SNTG1: variants seen among roughly 807,000 people sequenced by gnomAD.
SNTG1 encodes gamma-1-syntrophin.
SNTG1 carries 39 observed loss-of-function variants against 74.7 expected under a neutral mutation model. The observed-to-expected ratio is 0.52, with a 90% CI of 0.40 to 0.68. SNTG1 has a LOEUF of 0.68. SNTG1 is among the 30% of genes least tolerant of loss of function. The pLI is 0.00. For missense variants in SNTG1, 685 were observed against 609.5 expected (o/e 1.12, Z -1.30); for synonymous variants, 254 against 217.1 (o/e 1.17, Z -1.49).
intron 1 of SNTG1, among the ~76,000 whole-genome samples, chr8:49,939,089 T>C (rs1808440936): frequency 6.6e-6 from 1 of 152,120 alleles, no homozygotes; most frequent in African/African-American, 2.4e-5. Context: ...TGTTTTCACA[T>C]TTTAAATTTT....
intron 1 of SNTG1, among the ~76,000 whole-genome samples, chr8:50,073,201 T>G (rs1821526495): frequency 6.6e-6 from 1 of 152,232 alleles, no homozygotes; most frequent in Non-Finnish European, 1.5e-5. Context: ...TCACTAATTA[T>G]CAAACAAGTT....
In SNTG1 at chr8:50,199,345, G is replaced by A. The variant is rs547914315; in HGVS notation, c.-28+26710G>A. Among the ~76,000 whole-genome samples the A allele has an allele frequency of 2.3e-4, 35 of 151,206 alleles. No individual in the cohort carries two copies. The South Asian group carries it at 7.3e-3, about 32-fold the overall frequency. ...TGATTCTCCTGCCTCAGCCCCCCAA[G>A]TAGCTGGCATTACAGGTGCCCACCA... is the stretch of plus-strand genomic sequence containing the variant. On this transcript the variant is annotated intron_variant, in intron 2 of 18. Coordinates refer to ENST00000642720, the MANE Select transcript of SNTG1 (RefSeq NM_018967.5).
chr8:50,172,537 A>T (rs2082843104), intron 1 of SNTG1, 24 bp from the exon 2 acceptor site: 1 of 151,332 alleles, frequency 6.6e-6, no homozygotes, highest in Non-Finnish European at 1.5e-5. Flanking sequence ...CATAGGACTT[A>T]TTTTTTTTTA....
At chr8:50,372,191 T>A (rs2092284170) in intron 2 of SNTG1, among the ~76,000 whole-genome samples, 1 of 151,896 alleles carries the variant, frequency 6.6e-6, no homozygotes, top group Non-Finnish European at 1.5e-5. Flanking sequence ...CTAGCTGCTT[T>A]CATTTGTGTT....
At chr8:50,524,331 G>A (rs1230130616) in intron 9 of SNTG1, among the ~76,000 whole-genome samples, 2 of 151,958 alleles carry the variant, frequency 1.3e-5, no homozygotes, top group African/African-American at 2.4e-5. Flanking sequence ...CCACAATCTT[G>A]CTGTTATTAA....
intron 4 of SNTG1, among the ~76,000 whole-genome samples, chr8:50,437,982 G>T (rs781219714): frequency 1.3e-5 from 2 of 152,124 alleles, no homozygotes; most frequent in Non-Finnish European, 2.9e-5. Flanking sequence ...TTATTACTTA[G>T]ATGTGTAATT....
At chr8:50,000,912 A>G (rs1192929852) in intron 1 of SNTG1, among the ~76,000 whole-genome samples, 2 of 152,240 alleles carry the variant, frequency 1.3e-5, no homozygotes, top group Non-Finnish European at 2.9e-5. Context: ...TGAAAACATC[A>G]GAGCACATTT....
chr8:50,598,850 T>A (rs1026100670), intron 13 of SNTG1, among the ~76,000 whole-genome samples: 3 of 152,000 alleles, frequency 2.0e-5, no homozygotes, highest in African/African-American at 7.2e-5. Context: ...TGAAATTGCT[T>A]CCTAATTTTT....
At chr8:50,152,970 A>G (rs2082121352) in intron 1 of SNTG1, among the ~76,000 whole-genome samples, 1 of 152,180 alleles carries the variant, frequency 6.6e-6, no homozygotes, top group Non-Finnish European at 1.5e-5. Flanking sequence ...AGGTTGGGGA[A>G]GTTCTCCTGG....
chr8:50,139,195 A>T (rs2081578120), intron 1 of SNTG1, among the ~76,000 whole-genome samples: 1 of 152,186 alleles, frequency 6.6e-6, no homozygotes, highest in Non-Finnish European at 1.5e-5. Context: ...GACTTTTGGC[A>T]TATAGCAGGG....
At chr8:50,264,833 G>A (rs1217114611) in intron 2 of SNTG1, among the ~76,000 whole-genome samples, 1 of 151,706 alleles carries the variant, frequency 6.6e-6, no homozygotes, top group African/African-American at 2.4e-5. Flanking sequence ...TAATGAAGAA[G>A]GTAAGAGAAT....
rs942646612 is a variant in SNTG1 at position 50,196,327 on chromosome 8, T to C, written c.-28+23692T>C. On this transcript the variant is annotated intron_variant, in intron 2 of 18. Transcript: ENST00000642720. The stretch of plus-strand genomic sequence containing the variant: ...ATGCAACTGTCTCAGAATTAACAAG[T>C]ACATGAGATTCTTATGAAAGCCTAA... 1.5e-4 allele frequency among the ~76,000 whole-genome samples: 23 copies of C among 152,188 alleles called. 1 individual carries two copies. Among genetic ancestry groups the C allele is most frequent in the Non-Finnish European group, 4.4e-5 (3 of 68,040 alleles).
intron 4 of SNTG1, among the ~76,000 whole-genome samples, chr8:50,408,392 A>T (rs1374217572): frequency 6.6e-6 from 1 of 152,186 alleles, no homozygotes; most frequent in African/African-American, 2.4e-5. Context: ...TAGACGCACT[A>T]GGGAGTCAGT....
intron 18 of SNTG1, among the ~76,000 whole-genome samples, chr8:50,781,648 C>A (rs1008047872): frequency 6.6e-6 from 1 of 152,100 alleles, no homozygotes; most frequent in African/African-American, 2.4e-5. Flanking sequence ...TGGGTCTTGA[C>A]TGTTTATCCA....
At chr8:50,330,854 T>C (rs2090936693) in intron 2 of SNTG1, among the ~76,000 whole-genome samples, 1 of 152,112 alleles carries the variant, frequency 6.6e-6, no homozygotes, top group Non-Finnish European at 1.5e-5. Flanking sequence ...TCACTCACTA[T>C]CACAAGAACA....
chr8:50,614,673 A>T (rs917461411), intron 13 of SNTG1, among the ~76,000 whole-genome samples: 3 of 152,174 alleles, frequency 2.0e-5, no homozygotes, highest in Non-Finnish European at 2.9e-5. Flanking sequence ...AACAATATGC[A>T]CATTTAGAAG....
At chr8:50,598,869 G>A (rs1349291188) in intron 13 of SNTG1, among the ~76,000 whole-genome samples, 1 of 151,594 alleles carries the variant, frequency 6.6e-6, no homozygotes, top group African/African-American at 2.4e-5. Flanking sequence ...TTTTATGATA[G>A]GTTGCTATTG....
At chr8:50,631,301 A>G (rs1366765681) in intron 13 of SNTG1, among the ~76,000 whole-genome samples, 2 of 152,220 alleles carry the variant, frequency 1.3e-5, no homozygotes, top group Non-Finnish European at 2.9e-5. Flanking sequence ...TCACAGCACC[A>G]TAAATGGGAA....
At chr8:50,570,271 A>ATTTTT (rs2094540774) in intron 12 of SNTG1, among the ~76,000 whole-genome samples, 1 of 139,936 alleles carries the variant, frequency 7.1e-6, no homozygotes, top group African/African-American at 2.6e-5. Context: ...ATTTTATTTT[A>ATTTTT]TTTTATAGAT....
Sources: allele counts gnomAD v4.1 joint callset (sites outside exome capture counted in the v4.1 genomes callset), GRCh38; gene constraint gnomAD v4.1.1; transcripts MANE v1.5; gene names NCBI Gene and HGNC (gene_info 2026-07-23, HGNC 2026-07-21).